Variants in ERC2 observed in about 807,000 individuals in gnomAD.
ERC2 encodes ERC protein 2.
ERC2 carries 42 observed loss-of-function variants against 114.8 expected under a neutral mutation model. The ratio of observed to expected loss-of-function variants is 0.37; its 90% CI spans 0.29 to 0.47. The LOEUF is 0.47. Ranked by LOEUF, ERC2 falls within the 20% of genes least tolerant of loss-of-function variation. ERC2 has a pLI of 0.99. For missense variants in ERC2, 939 were observed against 1,150.7 expected (o/e 0.82, Z 2.66); for synonymous variants, 454 against 425.5 (o/e 1.07, Z -0.82).
chr3:56,256,826 G>A (rs1409197246), intron 3 of ERC2, among the ~76,000 whole-genome samples: 5 of 152,012 alleles, frequency 3.3e-5, no homozygotes, highest in East Asian at 1.9e-4. Context: ...CTCTCCTGCC[G>A]CCTTGTGAAT....
rs1369253159 is a variant in ERC2 at position 55,520,328 on chromosome 3, C to T, written c.*40-9052G>A. Reference sequence around the variant, plus strand: ...GCAGGTGCCTGTAATCCCAGCTACTCAGGAGGGTGAGGCATGAGAATTGTT... The same window carrying T: ...GCAGGTGCCTGTAATCCCAGCTACTTAGGAGGGTGAGGCATGAGAATTGTT... On this transcript the variant is annotated intron_variant, in intron 17 of 17. Coordinates refer to ENST00000288221, the MANE Select transcript of ERC2 (RefSeq NM_015576.3). Among the ~76,000 whole-genome samples the T allele has an allele frequency of 2.0e-5, 3 of 149,072 alleles. No homozygotes were observed. The East Asian group carries it at 6.0e-4, about 30-fold the overall frequency.
Position 55,892,412 on chromosome 3 carries a change from C to T in ERC2, c.2404-3863G>A, listed in dbSNP as rs548234486. Among the ~76,000 whole-genome samples the T allele has an allele frequency of 5.9e-5, 9 of 152,236 alleles. No homozygotes were observed. The East Asian group carries it at 1.7e-3, about 29-fold the overall frequency. ...TGACACGCACCTAGAGTCCCAGCTACCCTGGGGGGCTGAGGCAAGGAGATC... is the reference window on the plus strand; with the variant it reads ...TGACACGCACCTAGAGTCCCAGCTATCCTGGGGGGCTGAGGCAAGGAGATC... On this transcript the variant is annotated intron_variant, in intron 13 of 17. Coordinates refer to ENST00000288221, the MANE Select transcript of ERC2 (RefSeq NM_015576.3).
chr3:56,013,543 G>C (rs923235567), intron 8 of ERC2, among the ~76,000 whole-genome samples: 3 of 152,170 alleles, frequency 2.0e-5, no homozygotes, highest in African/African-American at 7.2e-5. Flanking sequence ...GACCAGCTTA[G>C]ACAGGGTGGA....
intron 6 of ERC2, among the ~76,000 whole-genome samples, chr3:56,124,881 A>C (rs192642843): frequency 1.6e-3 from 244 of 152,334 alleles, no homozygotes; most frequent in African/African-American, 5.7e-3. Flanking sequence ...AACAAAAGAA[A>C]TGTTTTCAAA....
Position 56,293,879 on chromosome 3 carries a change from T to C in ERC2, c.1074+2140A>G, listed in dbSNP as rs1317626148. 2.0e-5 allele frequency among the ~76,000 whole-genome samples: 3 copies of C among 152,226 alleles called. 1 individual carries two copies. The highest frequency in any genetic ancestry group is 4.4e-5 in the Non-Finnish European group (3 of 68,044). ...GGAGGCAGCCACATAAGGCACCATC[T>C]AGTAAGTGCTATCAATGAGCAGAAT... is the stretch of plus-strand genomic sequence containing the variant. On this transcript the variant is annotated intron_variant, in intron 3 of 17. Coordinates refer to ENST00000288221, the MANE Select transcript of ERC2 (RefSeq NM_015576.3).
chr3:56,190,250 A>G (rs2083902032), intron 3 of ERC2, among the ~76,000 whole-genome samples: 1 of 152,176 alleles, frequency 6.6e-6, no homozygotes, highest in Non-Finnish European at 1.5e-5. Context: ...TTGCTCTGCC[A>G]CCAACAAGCT....
At chr3:56,333,794 ATAG>A (rs1424809432) in intron 2 of ERC2, among the ~76,000 whole-genome samples, 1 of 152,202 alleles carries the variant, frequency 6.6e-6, no homozygotes, top group African/African-American at 2.4e-5. Flanking sequence ...AATATCTATA[ATAG>A]TCAAATCATC....
chr3:56,192,584 G>A (rs2047857202), intron 3 of ERC2, among the ~76,000 whole-genome samples: 1 of 152,142 alleles, frequency 6.6e-6, no homozygotes, highest in Non-Finnish European at 1.5e-5. Flanking sequence ...GGGTTGGTGA[G>A]CAGCTGATGT....
intron 2 of ERC2, among the ~76,000 whole-genome samples, chr3:56,382,131 C>T (rs932737715): frequency 6.6e-6 from 1 of 152,098 alleles, no homozygotes; most frequent in African/African-American, 2.4e-5. Context: ...CCCATCAACT[C>T]ACGGACTTGC....
chr3:55,969,773 C>T (rs374581290), intron 12 of ERC2, among the ~76,000 whole-genome samples: 5 of 152,218 alleles, frequency 3.3e-5, no homozygotes, highest in East Asian at 1.9e-4. Context: ...ATATGACATA[C>T]GATGACAGAA....
At position 55,654,187 on chromosome 3, in the gene ERC2, C is replaced by A. The variant is rs60714868; in HGVS notation, c.*39+29607G>T. ...CTAAGTCATCCTCCAAACTTGATTC[C>A]TCTTTCATTCCAGGCTGTCTAGCAG... On this transcript the variant is annotated intron_variant, in intron 17 of 17. Coordinates refer to ENST00000288221, the MANE Select transcript of ERC2 (RefSeq NM_015576.3). 1.2e-3 allele frequency among the ~76,000 whole-genome samples: 187 copies of A among 152,344 alleles called. 1 individual carries two copies. Among genetic ancestry groups the A allele is most frequent in the Admixed American group, 8.5e-3 (130 of 15,310 alleles).
Position 56,332,523 on chromosome 3 carries a change from T to C in ERC2, c.658-36088A>G, listed in dbSNP as rs118044123. 9.5e-4 allele frequency among the ~76,000 whole-genome samples: 145 copies of C among 152,278 alleles called. 5 individuals are homozygous for C. The East Asian group carries it at 0.025, about 27-fold the overall frequency. On this transcript the variant is annotated intron_variant, in intron 2 of 17. Coordinates refer to ENST00000288221, the MANE Select transcript of ERC2 (RefSeq NM_015576.3). ...TGATTTCTACCCAGCTCTTTCTGGTTCCAAGGCCACTGTTCTCTCCACTCC... is the reference window on the plus strand; with the variant it reads ...TGATTTCTACCCAGCTCTTTCTGGTCCCAAGGCCACTGTTCTCTCCACTCC...
At chr3:55,778,967 C>G (rs1165189596) in intron 14 of ERC2, among the ~76,000 whole-genome samples, 1 of 151,426 alleles carries the variant, frequency 6.6e-6, no homozygotes, top group Non-Finnish European at 1.5e-5. Context: ...GGAATAATGA[C>G]AATAGGCATA....
intron 12 of ERC2, among the ~76,000 whole-genome samples, chr3:55,959,500 C>T (rs897967): frequency 0.73 from 110,886 of 152,090 alleles, 40,639 homozygotes; most frequent in Admixed American, 0.79. Flanking sequence ...CATGAGCCCA[C>T]AGGAAACTCC....
intron 14 of ERC2, among the ~76,000 whole-genome samples, chr3:55,765,832 C>T (rs762944455): frequency 1.1e-4 from 17 of 152,176 alleles, no homozygotes; most frequent in Non-Finnish European, 2.2e-4. Context: ...GGCTTTCCTG[C>T]ATTTTGCTGA....
intron 3 of ERC2, among the ~76,000 whole-genome samples, chr3:56,177,993 C>T (rs1265574385): frequency 6.6e-6 from 1 of 152,130 alleles, no homozygotes; most frequent in African/African-American, 2.4e-5. Flanking sequence ...ATATATTTTC[C>T]TGTAATTTCA....
At chr3:55,586,265 G>A (rs1197543313) in intron 17 of ERC2, among the ~76,000 whole-genome samples, 1 of 152,182 alleles carries the variant, frequency 6.6e-6, no homozygotes, top group Non-Finnish European at 1.5e-5. Context: ...CACTTTCAAT[G>A]CCAACTTCAA....
At chr3:56,382,438 C>T (rs115853441) in intron 2 of ERC2, among the ~76,000 whole-genome samples, 2 of 152,142 alleles carry the variant, frequency 1.3e-5, no homozygotes, top group African/African-American at 2.4e-5. Context: ...AGGTTTATGG[C>T]CTCCAATCAG....
chr3:55,893,545 C>T (rs1295249359), intron 13 of ERC2, among the ~76,000 whole-genome samples: 1 of 152,128 alleles, frequency 6.6e-6, no homozygotes, highest in African/African-American at 2.4e-5. Flanking sequence ...CCGTGTACAC[C>T]TGCCTAAACC....
Sources: gnomAD v4.1 joint callset for allele counts (sites outside exome capture counted in the v4.1 genomes callset) on GRCh38, gnomAD v4.1.1 for gene constraint, MANE v1.5 for transcripts, NCBI Gene and HGNC (gene_info 2026-07-23, HGNC 2026-07-21) for gene names.